The following ZC3H18 variants were observed in gnomAD, a reference collection of about 807,000 sequenced individuals.
The protein encoded by ZC3H18 is zinc finger CCCH domain-containing protein 18.
A neutral mutation model predicts 106.1 loss-of-function variants in ZC3H18; 8 were observed. The observed-to-expected ratio is 0.08, with a 90% CI of 0.04 to 0.14. ZC3H18 has a LOEUF of 0.14. Ranked by LOEUF, ZC3H18 falls within the 10% of genes least tolerant of loss-of-function variation. ZC3H18 has a pLI of 1.00. For missense variants in ZC3H18, 1,318 were observed against 1,278.4 expected, an observed-to-expected ratio of 1.03 and a Z score of -0.47; for synonymous variants, 635 against 522.1, an observed-to-expected ratio of 1.22 and a Z score of -2.95.
In ZC3H18 at chr16:88,622,289, A is replaced by G. The variant is rs1906014150; in HGVS notation, c.1568A>G (p.Lys523Arg). 2 of 1,614,136 alleles carry G rather than the reference A, an allele frequency of 1.2e-6. No individual in the cohort carries two copies. The highest frequency in any genetic ancestry group is 8.5e-7 in the Non-Finnish European group (1 of 1,179,980). The change falls in exon 9 of 18, where the codon AAG (lysine) becomes AGG (arginine). Residue 523 changes from lysine to arginine, a missense_variant. Coordinates refer to ENST00000301011, the MANE Select transcript of ZC3H18 (RefSeq NM_144604.4). ...DEWKDPWRRS[K>R]SPKKKLGVSV... ...TGGAAGGACCCTTGGCGCCGATCCA[A>G]GTCTCCCAAGAAGAAACTCGGGGTG... is the stretch of plus-strand genomic sequence containing the variant.
intron 3 of ZC3H18, 127 bp from the exon 4 acceptor site, chr16:88,598,051 A>C: frequency 6.2e-4 from 367 of 587,690 alleles, no homozygotes; most frequent in East Asian, 1.2e-3. Context: ...AGTTCCCACT[A>C]CTGTGTGGCT....
intron 8 of ZC3H18, among the ~76,000 whole-genome samples, chr16:88,615,762 C>CA (rs1247794226): frequency 2.0e-5 from 3 of 152,214 alleles, no homozygotes; most frequent in Non-Finnish European, 2.9e-5. Flanking sequence ...CTTATGGGCA[C>CA]ACGTGCCTGG....
At chr16:88,574,930 C>T (rs374279787) in intron 1 of ZC3H18, among the ~76,000 whole-genome samples, 46 of 150,608 alleles carry the variant, frequency 3.1e-4, no homozygotes, top group East Asian at 1.2e-3. Flanking sequence ...CCTGGGTTCA[C>T]GCCATTCTCC....
intron 8 of ZC3H18, among the ~76,000 whole-genome samples, chr16:88,615,993 C>T (rs973269839): frequency 6.6e-6 from 1 of 152,212 alleles, no homozygotes; most frequent in African/African-American, 2.4e-5. Flanking sequence ...AGGGCAGATT[C>T]CCGACTGCTG....
At chr16:88,578,652 G>T (rs1437366708) in intron 2 of ZC3H18, among the ~76,000 whole-genome samples, 1 of 152,112 alleles carries the variant, frequency 6.6e-6, no homozygotes, top group Non-Finnish European at 1.5e-5. Flanking sequence ...GCAGGTAAAG[G>T]CTGCCAGTTA....
intron 16 of ZC3H18, among the ~76,000 whole-genome samples, chr16:88,629,725 C>T (rs1434448880): frequency 6.6e-6 from 1 of 152,196 alleles, no homozygotes; most frequent in South Asian, 2.1e-4. Context: ...GCTGACCACA[C>T]CCCAAGAGCT....
chr16:88,606,978 G>T (rs140567141), intron 6 of ZC3H18, among the ~76,000 whole-genome samples: 108 of 152,280 alleles, frequency 7.1e-4, no homozygotes, highest in African/African-American at 2.5e-3. Flanking sequence ...CTGGAGGGGC[G>T]TCCAGGGACC....
At chr16:88,600,669 T>A (rs1904701546) in intron 6 of ZC3H18, among the ~76,000 whole-genome samples, 1 of 152,208 alleles carries the variant, frequency 6.6e-6, no homozygotes, top group Non-Finnish European at 1.5e-5. Context: ...CACGCCTGCC[T>A]CCCAGAGTGC....
intron 5 of ZC3H18, among the ~76,000 whole-genome samples, chr16:88,598,980 TC>T (rs1904601740): frequency 6.6e-6 from 1 of 152,198 alleles, no homozygotes; most frequent in African/African-American, 2.4e-5. Context: ...CTGCTCGGCC[TC>T]CCAAGTAGCT....
intron 1 of ZC3H18, among the ~76,000 whole-genome samples, chr16:88,574,990 C>G (rs375162084): frequency 2.2e-4 from 34 of 151,572 alleles, no homozygotes; most frequent in African/African-American, 7.7e-4. Context: ...CCACCACACC[C>G]GACTAATTTT....
intron 3 of ZC3H18, among the ~76,000 whole-genome samples, chr16:88,595,542 G>A (rs567784188): frequency 1.4e-5 from 2 of 142,870 alleles, no homozygotes; most frequent in South Asian, 4.4e-4. Context: ...GACGGTAGCT[G>A]ACACCTGTAA....
chr16:88,591,675 G>A (rs549455186), intron 3 of ZC3H18, among the ~76,000 whole-genome samples: 4 of 152,342 alleles, frequency 2.6e-5, no homozygotes, highest in Admixed American at 2.0e-4. Flanking sequence ...CCACCTCTAG[G>A]CAATTGTGAA....
chr16:88,594,581 C>CT (rs1050051104), intron 3 of ZC3H18, among the ~76,000 whole-genome samples: 1 of 152,068 alleles, frequency 6.6e-6, no homozygotes, highest in African/African-American at 2.4e-5. Flanking sequence ...GGTTCCCTTT[C>CT]TGTAGTTACA....
intron 11 of ZC3H18, 81 bp downstream of exon 11, chr16:88,624,143 A>C: frequency 1.3e-6 from 2 of 1,554,874 alleles, no homozygotes; most frequent in Non-Finnish European, 1.7e-6. Flanking sequence ...TCTATCTCTC[A>C]TTTGTGTTTG....
chr16:88,624,182 G>A (rs904300913), intron 11 of ZC3H18, 120 bp downstream of exon 11: 14 of 1,408,504 alleles, frequency 9.9e-6, no homozygotes, highest in Non-Finnish European at 1.3e-5. Context: ...TGCCTCAGGG[G>A]GCTGGCCCCA....
chr16:88,618,968 G>A (rs1274016268), intron 8 of ZC3H18, among the ~76,000 whole-genome samples: 1 of 152,202 alleles, frequency 6.6e-6, no homozygotes, highest in Non-Finnish European at 1.5e-5. Flanking sequence ...GGGCACCCAT[G>A]TTGTGTGTTT....
At chr16:88,628,202 G>C in intron 15 of ZC3H18, 83 bp downstream of exon 15, 1 of 1,518,280 alleles carries the variant, frequency 6.6e-7, no homozygotes. Flanking sequence ...CCTCCTGGGG[G>C]ACGGAGCCTG....
chr16:88,604,294 G>C (rs1248002739), intron 6 of ZC3H18, among the ~76,000 whole-genome samples: 2 of 151,024 alleles, frequency 1.3e-5, no homozygotes, highest in Non-Finnish European at 2.9e-5. Flanking sequence ...GGAGGTTGCA[G>C]CAAGTGAGAT....
rs763352123 is a variant in ZC3H18 at position 88,598,849 on chromosome 16, CTTTA to C, written c.930+141_930+144del. On this transcript the variant is annotated intron_variant, in intron 5 of 17. Coordinates refer to ENST00000301011, the MANE Select transcript of ZC3H18 (RefSeq NM_144604.4). ...AGGCGTCTGTTTCTGTGGTGTCTTT[CTTTA>C]TTTTTTATTTATTTATTTTTTTGGA... 3.0e-4 allele frequency: 217 copies of C among 720,026 alleles called. No individual in the cohort carries two copies. The Middle Eastern group carries it at 3.7e-3, about 12-fold the overall frequency. The allele number at this position is 720,026 out of a possible 1,614,324, so 44.6% of individuals were successfully genotyped here.
Sources: gnomAD v4.1 joint callset for allele counts (sites outside exome capture counted in the v4.1 genomes callset) on GRCh38, gnomAD v4.1.1 for gene constraint, MANE v1.5 for transcripts, NCBI Gene and HGNC (gene_info 2026-07-23, HGNC 2026-07-21) for gene names.